TRPS1: variants seen among roughly 807,000 people sequenced by gnomAD.
TRPS1 encodes the protein transcriptional repressor GATA binding 1.
In TRPS1, 6 loss-of-function variants were observed where a neutral mutation model predicts 101.2. That is an observed-to-expected ratio of 0.06 (90% confidence interval 0.03 to 0.12). The LOEUF is 0.12. Ranked by LOEUF, TRPS1 falls within the 10% of genes least tolerant of loss-of-function variation. The pLI is 1.00. For synonymous variants in TRPS1, 578 were observed against 589.8 expected (o/e 0.98, Z 0.29); for missense variants, 1,363 against 1,567.0 (o/e 0.87, Z 2.20).
chr8:115,478,279 T>C (rs1814655949), intron 5 of TRPS1, among the ~76,000 whole-genome samples: 1 of 152,222 alleles, frequency 6.6e-6, no homozygotes, highest in African/African-American at 2.4e-5. Context: ...TCACATAATA[T>C]GCTTATCGGA....
intron 5 of TRPS1, among the ~76,000 whole-genome samples, chr8:115,472,921 C>T (rs1288724294): frequency 6.6e-6 from 1 of 152,192 alleles, no homozygotes; most frequent in Non-Finnish European, 1.5e-5. Context: ...CTGAGATCAG[C>T]TAAGCCTGGA....
At chr8:115,422,395 G>A (rs536189946) in intron 5 of TRPS1, among the ~76,000 whole-genome samples, 7 of 149,844 alleles carry the variant, frequency 4.7e-5, no homozygotes, top group East Asian at 2.0e-4. Flanking sequence ...GAGATGGAGC[G>A]TTGCTCTGTT....
At chr8:115,580,035 G>C (rs1306572267) in intron 5 of TRPS1, among the ~76,000 whole-genome samples, 1 of 151,890 alleles carries the variant, frequency 6.6e-6, no homozygotes, top group African/African-American at 2.4e-5. Flanking sequence ...AAGTAGTATT[G>C]CTTCTCCAAA....
chr8:115,506,826 T>C (rs1338657045), intron 5 of TRPS1, among the ~76,000 whole-genome samples: 1 of 152,106 alleles, frequency 6.6e-6, no homozygotes, highest in Non-Finnish European at 1.5e-5. Flanking sequence ...ATCTCACAAG[T>C]TTTTCTTCAT....
At chr8:115,492,274 G>C in intron 5 of TRPS1, 2 of 456,128 alleles carry the variant, frequency 4.4e-6, no homozygotes, top group South Asian at 3.1e-5. Context: ...CAGGAAATGT[G>C]TTTGGCGTGT....
chr8:115,641,027 A>G (rs1209519330), intron 1 of TRPS1, among the ~76,000 whole-genome samples: 4 of 152,182 alleles, frequency 2.6e-5, no homozygotes, highest in Non-Finnish European at 5.9e-5. Context: ...CTGGATTCAT[A>G]TGTATCTGGT....
intron 5 of TRPS1, among the ~76,000 whole-genome samples, chr8:115,535,245 C>CAT (rs375473986): frequency 0.034 from 1,193 of 34,912 alleles, 64 homozygotes; most frequent in African/African-American, 0.13. Context: ...GCATATATAG[C>CAT]ATATATAGCA....
At chr8:115,654,611 A>G (rs1811638405) in intron 1 of TRPS1, among the ~76,000 whole-genome samples, 1 of 152,206 alleles carries the variant, frequency 6.6e-6, no homozygotes, top group Admixed American at 6.5e-5. Flanking sequence ...CTCTATATAG[A>G]TAAATGTTAA....
chr8:115,620,867 G>A (rs914307159), intron 2 of TRPS1, among the ~76,000 whole-genome samples: 13 of 152,352 alleles, frequency 8.5e-5, no homozygotes, highest in Admixed American at 5.9e-4. Context: ...TCCATATGCA[G>A]CCTGGTGAAA....
chr8:115,621,111 C>T (rs1818383113), intron 2 of TRPS1, among the ~76,000 whole-genome samples: 1 of 152,130 alleles, frequency 6.6e-6, no homozygotes, highest in African/African-American at 2.4e-5. Context: ...TAGAATGAGT[C>T]AGAACTTTAA....
intron 4 of TRPS1, among the ~76,000 whole-genome samples, chr8:115,592,973 C>A (rs1817710364): frequency 6.6e-6 from 1 of 151,958 alleles, no homozygotes; most frequent in Non-Finnish European, 1.5e-5. Flanking sequence ...ACTTTTAGAA[C>A]ATTCCCAAAT....
chr8:115,429,426 T>C (rs1813266054), intron 5 of TRPS1, among the ~76,000 whole-genome samples: 1 of 152,170 alleles, frequency 6.6e-6, no homozygotes, highest in Non-Finnish European at 1.5e-5. Flanking sequence ...TAATACATTG[T>C]CTTGGGTAGG....
At chr8:115,447,075 C>T (rs1813755872) in intron 5 of TRPS1, among the ~76,000 whole-genome samples, 1 of 152,090 alleles carries the variant, frequency 6.6e-6, no homozygotes, top group African/African-American at 2.4e-5. Context: ...TTCCAGGAAC[C>T]TGTATTTTTA....
At chr8:115,652,575 A>G (rs1317344032) in intron 1 of TRPS1, among the ~76,000 whole-genome samples, 1 of 152,226 alleles carries the variant, frequency 6.6e-6, no homozygotes, top group Non-Finnish European at 1.5e-5. Flanking sequence ...CTAAACTTTC[A>G]AAGGAGCCAT....
intron 5 of TRPS1, among the ~76,000 whole-genome samples, chr8:115,558,402 C>T (rs118173373): frequency 6.0e-4 from 92 of 152,268 alleles, no homozygotes; most frequent in Non-Finnish European, 1.1e-3. Context: ...AATGGCCAGT[C>T]GAGGCTTAAG....
At chr8:115,439,372 T>G (rs552804821) in intron 5 of TRPS1, among the ~76,000 whole-genome samples, 1 of 152,334 alleles carries the variant, frequency 6.6e-6, no homozygotes, top group East Asian at 1.9e-4. Context: ...CTAGTGGACA[T>G]GGCAGAGACA....
At chr8:115,483,733 A>G (rs960245927) in intron 5 of TRPS1, among the ~76,000 whole-genome samples, 4 of 152,162 alleles carry the variant, frequency 2.6e-5, no homozygotes, top group African/African-American at 4.8e-5. Context: ...GCATGTATGA[A>G]AAGGTGCTAT....
intron 4 of TRPS1, among the ~76,000 whole-genome samples, chr8:115,601,112 T>C (rs1484178551): frequency 1.3e-5 from 2 of 152,282 alleles, no homozygotes; most frequent in Non-Finnish European, 2.9e-5. Context: ...TATAGTCATT[T>C]TATAGCTAAA....
At chr8:115,586,165 C>T (rs1447910716) in intron 5 of TRPS1, among the ~76,000 whole-genome samples, 2 of 152,178 alleles carry the variant, frequency 1.3e-5, no homozygotes, top group African/African-American at 4.8e-5. Context: ...TCCAGAGAAG[C>T]TCAAAACTTT....
Sources: gnomAD v4.1 joint callset for allele counts (sites outside exome capture counted in the v4.1 genomes callset) on GRCh38, gnomAD v4.1.1 for gene constraint, MANE v1.5 for transcripts, NCBI Gene and HGNC (gene_info 2026-07-23, HGNC 2026-07-21) for gene names.